The following EPHA5 variants were observed in gnomAD, a reference collection of about 807,000 sequenced individuals.
EPHA5 encodes the protein ephrin type-A receptor 5.
EPHA5 carries 60 observed loss-of-function variants against 105.0 expected under a neutral mutation model. The observed-to-expected ratio is 0.57, with a 90% CI of 0.46 to 0.71. The LOEUF (loss-of-function observed/expected upper bound fraction) is 0.71, where lower values mean the gene tolerates loss of function less well. EPHA5 is among the 30% of genes least tolerant of loss of function. The pLI is 0.00. For synonymous variants in EPHA5, 513 were observed against 449.1 expected, an observed-to-expected ratio of 1.14 and a Z score of -1.80; for missense variants, 1,218 against 1,274.7, an observed-to-expected ratio of 0.96 and a Z score of 0.68.
chr4:65,356,474 G>A (rs1723303879), intron 11 of EPHA5, among the ~76,000 whole-genome samples: 1 of 151,366 alleles, frequency 6.6e-6, no homozygotes, highest in African/African-American at 2.4e-5. Flanking sequence ...ACACTGAATA[G>A]TATATATTTG....
intron 13 of EPHA5, among the ~76,000 whole-genome samples, 175 bp downstream of exon 13, chr4:65,351,214 G>A (rs982209934): frequency 7.2e-5 from 11 of 151,946 alleles, no homozygotes; most frequent in Admixed American, 7.2e-4. Context: ...TAAATTTGCT[G>A]ATACATAAAA....
intron 3 of EPHA5, among the ~76,000 whole-genome samples, chr4:65,588,015 AG>A (rs2149409151): frequency 6.6e-6 from 1 of 152,298 alleles, no homozygotes; most frequent in African/African-American, 2.4e-5. Flanking sequence ...TATAGTAAAA[AG>A]GTACAGACTT....
At chr4:65,451,810 T>C (rs1727095440) in intron 5 of EPHA5, among the ~76,000 whole-genome samples, 1 of 152,108 alleles carries the variant, frequency 6.6e-6, no homozygotes, top group South Asian at 2.1e-4. Flanking sequence ...TGTTGCCAAT[T>C]AAGAGGAAGG....
At chr4:65,621,711 G>A (rs1745720088) in intron 2 of EPHA5, among the ~76,000 whole-genome samples, 1 of 152,064 alleles carries the variant, frequency 6.6e-6, no homozygotes, top group South Asian at 2.1e-4. Flanking sequence ...GAGTCCAAAT[G>A]TTGGGTTATT....
intron 8 of EPHA5, among the ~76,000 whole-genome samples, chr4:65,381,933 A>G (rs1172002792): frequency 6.6e-6 from 1 of 151,810 alleles, no homozygotes; most frequent in Non-Finnish European, 1.5e-5. Context: ...TTAAAATATC[A>G]ACACCTTAAA....
chr4:65,604,786 T>C (rs922657250), intron 2 of EPHA5, among the ~76,000 whole-genome samples: 2 of 150,812 alleles, frequency 1.3e-5, no homozygotes, highest in Non-Finnish European at 2.9e-5. Context: ...AACTTTAGAA[T>C]GTGGCAGACG....
intron 3 of EPHA5, among the ~76,000 whole-genome samples, chr4:65,543,038 C>A (rs532498478): frequency 2.0e-5 from 3 of 152,010 alleles, no homozygotes; most frequent in Non-Finnish European, 4.4e-5. Flanking sequence ...AAGGTAAAAA[C>A]TCTTAATAAA....
intron 5 of EPHA5, among the ~76,000 whole-genome samples, chr4:65,471,281 A>G (rs1032024700): frequency 4.6e-5 from 7 of 152,206 alleles, no homozygotes; most frequent in African/African-American, 1.7e-4. Flanking sequence ...GATGGATACC[A>G]ATGCCAACAT....
At position 65,467,245 on chromosome 4, in the gene EPHA5, A is replaced by G. The variant is rs186718975; in HGVS notation, c.1402+23132T>C. The stretch of plus-strand genomic sequence containing the variant: ...ATATATAAAGACCAGAAAGCAAAAG[A>G]GAGTTTGTCTGCTCAGAGAATAAAC... On this transcript the variant is annotated intron_variant, in intron 5 of 16. Transcript: ENST00000613740. 3.6e-3 allele frequency among the ~76,000 whole-genome samples: 547 copies of G among 152,290 alleles called. 2 individuals are homozygous for G. The highest frequency in any genetic ancestry group is 0.012 in the African/African-American group (501 of 41,578).
At chr4:65,581,553 C>A (rs1741627290) in intron 3 of EPHA5, among the ~76,000 whole-genome samples, 1 of 151,700 alleles carries the variant, frequency 6.6e-6, no homozygotes, top group Non-Finnish European at 1.5e-5. Context: ...TTCTTTGAAA[C>A]TTAACCTAAT....
At chr4:65,528,309 C>G (rs1254622799) in intron 3 of EPHA5, among the ~76,000 whole-genome samples, 1 of 151,998 alleles carries the variant, frequency 6.6e-6, no homozygotes, top group African/African-American at 2.4e-5. Context: ...TAAAATTAAA[C>G]TGAAATATAA....
At chr4:65,344,472 G>A (rs181547140) in intron 14 of EPHA5, among the ~76,000 whole-genome samples, 6 of 152,146 alleles carry the variant, frequency 3.9e-5, no homozygotes, top group African/African-American at 1.4e-4. Flanking sequence ...TAACGTGGAT[G>A]ATCTGCTGCA....
chr4:65,427,698 T>C (rs1489879232), intron 5 of EPHA5, among the ~76,000 whole-genome samples: 3 of 152,176 alleles, frequency 2.0e-5, no homozygotes, highest in African/African-American at 7.2e-5. Flanking sequence ...TTATAGAATT[T>C]CCAGAGAAAC....
intron 3 of EPHA5, among the ~76,000 whole-genome samples, chr4:65,584,060 A>G (rs1741895515): frequency 1.3e-5 from 2 of 151,732 alleles, no homozygotes; most frequent in South Asian, 4.1e-4. Flanking sequence ...ACTTTAACAC[A>G]TGATCAATTC....
At chr4:65,377,075 A>G (rs779649821) in intron 8 of EPHA5, 3 of 1,607,102 alleles carry the variant, frequency 1.9e-6, no homozygotes, top group Middle Eastern at 1.7e-4. Context: ...TGAAAAGCAA[A>G]CAAGAGAGCC....
intron 3 of EPHA5, among the ~76,000 whole-genome samples, chr4:65,522,924 A>G (rs1204307590): frequency 6.6e-6 from 1 of 151,936 alleles, no homozygotes; most frequent in African/African-American, 2.4e-5. Flanking sequence ...AAGTGATACC[A>G]TGGGAATTGA....
chr4:65,358,036 C>A (rs1176961591), intron 11 of EPHA5, among the ~76,000 whole-genome samples: 6 of 151,272 alleles, frequency 4.0e-5, no homozygotes, highest in Non-Finnish European at 3.0e-5. Context: ...TGATATCTGA[C>A]AAGCAGCATA....
At chr4:65,460,853 T>C (rs969382699) in intron 5 of EPHA5, among the ~76,000 whole-genome samples, 1 of 151,844 alleles carries the variant, frequency 6.6e-6, no homozygotes, top group Non-Finnish European at 1.5e-5. Context: ...AGAGAATTAT[T>C]TTATACCACA....
At chr4:65,586,446 A>G (rs1453628669) in intron 3 of EPHA5, among the ~76,000 whole-genome samples, 4 of 151,828 alleles carry the variant, frequency 2.6e-5, no homozygotes, top group African/African-American at 9.7e-5. Flanking sequence ...TATAATTACT[A>G]GCAAATAGTT....
Sources: gnomAD v4.1 joint callset for allele counts (sites outside exome capture counted in the v4.1 genomes callset) on GRCh38, gnomAD v4.1.1 for gene constraint, MANE v1.5 for transcripts, NCBI Gene and HGNC (gene_info 2026-07-23, HGNC 2026-07-21) for gene names.